The following MOV10L1 variants were observed in gnomAD, a reference collection of about 807,000 sequenced individuals.
MOV10L1 encodes Mov10 like RNA helicase 1.
Under a neutral mutation model 143.8 loss-of-function variants are expected in MOV10L1, and 110 were observed. That is an observed-to-expected ratio of 0.76 (90% CI 0.66 to 0.90). The LOEUF is 0.90. MOV10L1 is among the 40% of genes least tolerant of loss of function. The pLI is 0.00. For synonymous variants in MOV10L1, 593 were observed against 581.1 expected (o/e 1.02, Z -0.29); for missense variants, 1,406 against 1,526.8 (o/e 0.92, Z 1.32).
chr22:50,124,246 C>T (rs2062431372), intron 10 of MOV10L1, among the ~76,000 whole-genome samples: 1 of 152,160 alleles, frequency 6.6e-6, no homozygotes, highest in African/African-American at 2.4e-5. Flanking sequence ...CACAAATTCC[C>T]TCAGCACTGC....
chr22:50,090,611 A>G, intron 1 of MOV10L1: 5 of 1,468,248 alleles, frequency 3.4e-6, no homozygotes, highest in Non-Finnish European at 4.7e-6. Context: ...TCTGGTTTTC[A>G]AGCCCATCTT....
chr22:50,100,409 G>A (rs1222262589), intron 3 of MOV10L1, among the ~76,000 whole-genome samples: 2 of 152,164 alleles, frequency 1.3e-5, no homozygotes, highest in Non-Finnish European at 2.9e-5. Flanking sequence ...CTAAGTTAGT[G>A]TTACTGGCAT....
chr22:50,157,937 A>G, intron 22 of MOV10L1, 120 bp from the exon 23 acceptor site: 1 of 1,221,980 alleles, frequency 8.2e-7, no homozygotes, highest in Non-Finnish European at 1.1e-6. Flanking sequence ...TCTGCACGAG[A>G]GCAGGGATTT....
rs144277341 is a variant in MOV10L1 at position 50,128,419 on chromosome 22, C to G, written c.1822C>G (p.His608Asp). The change falls in exon 13 of 27, where the codon CAT (histidine) becomes GAT (aspartate). Residue 608 changes from histidine (H) to aspartate (D), a missense_variant. Physicochemically the swap from His to Asp is moderately conservative, Grantham distance 81. Transcript: ENST00000262794. ...ATATTGTTTGTTCCTTTTTTAGATT[C>G]ATGAAGAAGATGTAACTCTTAAAAT... is the stretch of plus-strand genomic sequence containing the variant. ...IEYISYVTEI[H>D]EEDVTLKINP... 2 of 1,460,444 alleles carry G rather than the reference C, an allele frequency of 1.4e-6. No individual in the cohort carries two copies. Among genetic ancestry groups the G allele is most frequent in the African/African-American group, 1.4e-5 (1 of 70,384 alleles). The allele number at this position is 1,460,444 out of a possible 1,614,324, so 90.5% of individuals were successfully genotyped here.
chr22:50,113,681 C>T lies in MOV10L1; in HGVS notation c.777C>T (p.Phe259=). ...DAAPVHEATH[F]YGTILLKNKG... ...CCCCTGTTCATGAGGCCACTCATTT[C>T]TATGGAACGATTTTGCTGAAGAACA... Residue 259 remains phenylalanine (F), a synonymous_variant, in exon 6 of 27, where the codon TTC becomes TTT. Coordinates refer to ENST00000262794, the MANE Select transcript of MOV10L1 (RefSeq NM_018995.3). 1 of 1,613,936 alleles carries T rather than the reference C, an allele frequency of 6.2e-7. No individual in the cohort carries two copies. Among genetic ancestry groups the T allele is most frequent in the Non-Finnish European group, 8.5e-7 (1 of 1,179,934 alleles).
chr22:50,090,326 G>T (rs2062395282), intron 1 of MOV10L1, 141 bp downstream of exon 1: 2 of 1,474,898 alleles, frequency 1.4e-6, no homozygotes, highest in South Asian at 2.7e-5. Flanking sequence ...CCGCTGGCGG[G>T]GATCCCCGTT....
At chr22:50,109,912 A>G (rs951608589) in intron 5 of MOV10L1, among the ~76,000 whole-genome samples, 3 of 152,232 alleles carry the variant, frequency 2.0e-5, no homozygotes, top group African/African-American at 7.2e-5. Context: ...ACGCTTTGGG[A>G]TGCTGAGGCG....
chr22:50,160,522 G>A (rs2063530997), intron 24 of MOV10L1, among the ~76,000 whole-genome samples, 166 bp from the exon 25 acceptor site: 1 of 152,042 alleles, frequency 6.6e-6, no homozygotes, highest in Admixed American at 6.6e-5. Flanking sequence ...CAAAGGCTGG[G>A]ATTACAGGCG....
chr22:50,104,891 C>CTT (rs138212), intron 3 of MOV10L1, among the ~76,000 whole-genome samples: 80 of 140,136 alleles, frequency 5.7e-4, no homozygotes, highest in South Asian at 2.3e-3. Context: ...ATTGAGCCTT[C>CTT]TTTTTTTTTT....
chr22:50,140,423 G>A (rs1284601584), intron 15 of MOV10L1, among the ~76,000 whole-genome samples: 1 of 152,164 alleles, frequency 6.6e-6, no homozygotes, highest in Non-Finnish European at 1.5e-5. Context: ...AAACACAATG[G>A]TTGTGGGAGG....
intron 22 of MOV10L1, among the ~76,000 whole-genome samples, chr22:50,154,723 T>A (rs1187355365): frequency 6.6e-6 from 1 of 152,188 alleles, no homozygotes; most frequent in Non-Finnish European, 1.5e-5. Context: ...TATCCTTGGG[T>A]TTCTGATCGT....
intron 9 of MOV10L1, among the ~76,000 whole-genome samples, chr22:50,119,081 G>A (rs561144530): frequency 7.6e-4 from 115 of 152,216 alleles, no homozygotes; most frequent in African/African-American, 2.7e-3. Flanking sequence ...CTCATCTAGT[G>A]ACACACCAAG....
rs2063334579 is a variant in MOV10L1, at chr22:50,152,868, G to A, written c.2893-177G>A. Reference sequence around the variant, plus strand: ...CATTTTCTATTCAGATGGACCCTTGGCTTGACCATCATCCAAGGGCTTGGT... The same window carrying A: ...CATTTTCTATTCAGATGGACCCTTGACTTGACCATCATCCAAGGGCTTGGT... On this transcript the variant is annotated intron_variant, in intron 21 of 26. Transcript: ENST00000262794. The surrounding 1 kb of genome is among the most constrained non-coding windows in gnomAD (Gnocchi z 4.4). Among the ~76,000 whole-genome samples the A allele has an allele frequency of 6.6e-6, 1 of 152,176 alleles. No homozygotes were observed. Among genetic ancestry groups the A allele is most frequent in the East Asian group, 1.9e-4 (1 of 5,194 alleles).
At chr22:50,119,545 G>A (rs565908649) in intron 9 of MOV10L1, among the ~76,000 whole-genome samples, 16 of 152,036 alleles carry the variant, frequency 1.1e-4, no homozygotes, top group African/African-American at 1.7e-4. Context: ...TTAATCCAGC[G>A]TGTCTGTTGA....
At chr22:50,115,319 A>T in intron 8 of MOV10L1, 73 bp downstream of exon 8, 12 of 1,412,488 alleles carry the variant, frequency 8.5e-6, no homozygotes, top group Non-Finnish European at 1.1e-5. Context: ...GTGTTATAAA[A>T]GGTACTCCTT....
Position 50,159,742 on chromosome 22 carries a change from A to T in MOV10L1, c.3281A>T (p.Glu1094Val). The T allele has an allele frequency of 6.2e-7, 1 of 1,613,504 alleles. No homozygotes were observed. The highest frequency in any genetic ancestry group is 8.5e-7 in the Non-Finnish European group (1 of 1,179,602). ...ATGGATATAAAGGTTGGATCAGTAG[A>T]GGAGTTTCAAGGACAAGAGTATCTG... ...DLMDIKVGSVEEFQGQEYLVI... is the reference protein window; with the variant it reads ...DLMDIKVGSVVEFQGQEYLVI... The change falls in exon 24 of 27, where the codon GAG (glutamate) becomes GTG (valine). Residue 1094 changes from glutamate (E) to valine (V), a missense_variant. By Grantham distance (121) the Glu-to-Val change is moderately radical. Transcript: ENST00000262794. The surrounding 1 kb of genome is among the most constrained non-coding windows in gnomAD (Gnocchi z 4.1).
rs2063562955 is a variant in MOV10L1, at chr22:50,161,680, G to A, written c.*231G>A. On this transcript the variant is annotated 3_prime_UTR_variant, in exon 27 of 27. Coordinates refer to ENST00000262794, the MANE Select transcript of MOV10L1 (RefSeq NM_018995.3). ...CCTACCCTGAAATAAACCCTCGAGTGACCCCCAGAAGCCTTTCCACCTCGA... is the reference window on the plus strand; with the variant it reads ...CCTACCCTGAAATAAACCCTCGAGTAACCCCCAGAAGCCTTTCCACCTCGA... The A allele has an allele frequency of 1.2e-5, 6 of 497,214 alleles. No individual in the cohort carries two copies. The highest frequency in any genetic ancestry group is 2.9e-5 in the South Asian group (1 of 34,302). The allele number at this position is 497,214 out of a possible 1,614,324, so 30.8% of individuals were successfully genotyped here.
chr22:50,145,723 A>G lies in MOV10L1; in HGVS notation c.2540A>G (p.Asp847Gly), dbSNP rs1480758812. The change falls in exon 19 of 27, where the codon GAC becomes GGC. Residue 847 changes from aspartate (D) to glycine (G), a missense_variant. Around this residue, in one of 3 missense-constraint regions of MOV10L1, gnomAD observed 1,233 missense variants for 1,351.4 expected, o/e 0.91. Transcript: ENST00000262794. ...GACGCCGTCAAACCGTATTGCAGAG[A>G]CGGAGAAGACATCTGGAAAGCCTCA... The part of the protein sequence containing the change: ...VIDAVKPYCR[D>G]GEDIWKASRF... 2 of 1,614,182 alleles carry G rather than the reference A, an allele frequency of 1.2e-6. No homozygotes were observed. The highest frequency in any genetic ancestry group is 2.2e-5 in the South Asian group (2 of 91,086).
At chr22:50,114,212 C>A (rs576924021) in intron 6 of MOV10L1, among the ~76,000 whole-genome samples, 169 bp from the exon 7 acceptor site, 2 of 152,096 alleles carry the variant, frequency 1.3e-5, no homozygotes, top group Admixed American at 1.3e-4. Flanking sequence ...ACACCACGCC[C>A]GGCATGAAGA....
Sources: allele counts gnomAD v4.1 joint callset (sites outside exome capture counted in the v4.1 genomes callset), GRCh38; gene constraint gnomAD v4.1.1; regional missense constraint gnomAD v4.1.1; non-coding constraint Gnocchi (gnomAD v3.1); transcripts MANE v1.5; gene names NCBI Gene and HGNC (gene_info 2026-07-23, HGNC 2026-07-21).